Variants in DOCK3 observed in about 807,000 individuals in gnomAD.
The protein encoded by DOCK3 is dedicator of cytokinesis 3.
Under a neutral mutation model 265.6 loss-of-function variants are expected in DOCK3, and 60 were observed. The observed-to-expected ratio is 0.23, with a 90% CI of 0.18 to 0.28. The LOEUF (loss-of-function observed/expected upper bound fraction) is 0.28. Ranked by LOEUF, DOCK3 falls within the 10% of genes least tolerant of loss-of-function variation. DOCK3 has a pLI of 1.00. For missense variants in DOCK3, 1,981 were observed against 2,594.3 expected, an observed-to-expected ratio of 0.76 and a Z score of 5.14; for synonymous variants, 881 against 938.0, an observed-to-expected ratio of 0.94 and a Z score of 1.11.
At chr3:50,778,526 TA>T (rs1252025430) in intron 1 of DOCK3, 148 bp from the exon 2 acceptor site, 1 of 551,676 alleles carries the variant, frequency 1.8e-6, no homozygotes, top group East Asian at 2.9e-5. Context: ...AAATGTAGAT[TA>T]AATGGAAAGG....
At chr3:51,041,977 T>C (rs1443743901) in intron 5 of DOCK3, among the ~76,000 whole-genome samples, 1 of 152,020 alleles carries the variant, frequency 6.6e-6, no homozygotes, top group Non-Finnish European at 1.5e-5. Context: ...CCCTAACTTA[T>C]TCACAGCTGA....
chr3:50,732,767 G>T (rs2108138409), intron 1 of DOCK3, among the ~76,000 whole-genome samples: 1 of 152,200 alleles, frequency 6.6e-6, no homozygotes, highest in Non-Finnish European at 1.5e-5. Context: ...GCAAAATTAT[G>T]TAGCATGCTT....
chr3:50,806,593 G>T (rs777045023), intron 2 of DOCK3, among the ~76,000 whole-genome samples: 7 of 151,806 alleles, frequency 4.6e-5, no homozygotes, highest in Non-Finnish European at 7.4e-5. Context: ...CTGTTCTTCT[G>T]GCTGAAAGTG....
intron 5 of DOCK3, among the ~76,000 whole-genome samples, chr3:50,966,162 G>A (rs1245425621): frequency 4.0e-5 from 6 of 151,780 alleles, no homozygotes; most frequent in Non-Finnish European, 7.4e-5. Context: ...GATCTTCTTC[G>A]TTGTGATTGA....
chr3:51,195,981 G>A (rs2088271732), intron 12 of DOCK3, among the ~76,000 whole-genome samples: 1 of 151,880 alleles, frequency 6.6e-6, no homozygotes, highest in Non-Finnish European at 1.5e-5. Context: ...TGTCACCCAG[G>A]TGGGAGTGCA....
chr3:50,941,278 G>A (rs1341454807), intron 5 of DOCK3, among the ~76,000 whole-genome samples: 1 of 152,132 alleles, frequency 6.6e-6, no homozygotes, highest in African/African-American at 2.4e-5. Context: ...TAGGGACAAG[G>A]AGGATATGTG....
intron 2 of DOCK3, among the ~76,000 whole-genome samples, chr3:50,795,161 C>T (rs1283436564): frequency 2.0e-5 from 3 of 152,064 alleles, no homozygotes; most frequent in Non-Finnish European, 4.4e-5. Context: ...CTACCTTTAA[C>T]ATTTTTTCTT....
At chr3:50,787,102 T>G (rs1028704346) in intron 2 of DOCK3, 14 of 717,424 alleles carry the variant, frequency 2.0e-5, no homozygotes, top group Non-Finnish European at 3.1e-5. Flanking sequence ...TTGAACGATT[T>G]ATTACAGGCA....
intron 4 of DOCK3, among the ~76,000 whole-genome samples, chr3:50,929,877 G>A (rs776969296): frequency 7.9e-5 from 12 of 152,156 alleles, no homozygotes; most frequent in Non-Finnish European, 1.6e-4. Context: ...GAAAATTAAA[G>A]TTTAAGAGTC....
intron 5 of DOCK3, among the ~76,000 whole-genome samples, chr3:51,009,425 C>T (rs1308834032): frequency 6.6e-6 from 1 of 152,188 alleles, no homozygotes; most frequent in African/African-American, 2.4e-5. Context: ...ATAGTATTCT[C>T]TGATGGTAGT....
rs1434912770 is a variant in DOCK3, at chr3:51,381,098, C to A, written c.5632C>A (p.Leu1878Met). The change falls in exon 53 of 53, where the codon CTG (leucine) becomes ATG (methionine). Residue 1878 changes from leucine (L) to methionine (M), a missense_variant. By Grantham distance (15) the Leu-to-Met change is conservative. Coordinates refer to ENST00000266037, the MANE Select transcript of DOCK3 (RefSeq NM_004947.5). The surrounding 1 kb of genome is among the most constrained non-coding windows in gnomAD (Gnocchi z 5.6). Reference sequence around the variant, plus strand: ...CTCCCCCACAAGCCCCCAGTCAGGTCTGGACGGCAGCAACTCTACGCTGTC... The same window carrying A: ...CTCCCCCACAAGCCCCCAGTCAGGTATGGACGGCAGCAACTCTACGCTGTC... ...PASPTSPQSG[L>M]DGSNSTLSGS... 8 of 1,613,050 alleles carry A rather than the reference C, an allele frequency of 5.0e-6. No individual in the cohort carries two copies. The African/African-American group carries it at 1.1e-4, about 22-fold the overall frequency.
chr3:50,935,552 T>A (rs1190992831), intron 5 of DOCK3, among the ~76,000 whole-genome samples: 2 of 152,172 alleles, frequency 1.3e-5, no homozygotes, highest in Admixed American at 1.3e-4. Context: ...TCTACTTTCC[T>A]TGTTGTACTC....
At chr3:51,170,700 T>C (rs2086632258) in intron 12 of DOCK3, among the ~76,000 whole-genome samples, 1 of 152,270 alleles carries the variant, frequency 6.6e-6, no homozygotes. Flanking sequence ...ATCCCAGCGC[T>C]TTGGGAGGCG....
At chr3:51,092,283 G>A (rs895958924) in intron 9 of DOCK3, among the ~76,000 whole-genome samples, 1 of 152,194 alleles carries the variant, frequency 6.6e-6, no homozygotes, top group Non-Finnish European at 1.5e-5. Context: ...CTCACTGCCA[G>A]CACAGCAGCA....
chr3:50,983,816 T>C lies in DOCK3; in HGVS notation c.315+49739T>C, dbSNP rs540634527. Among the ~76,000 whole-genome samples, 10 of 152,180 alleles carry C rather than the reference T, an allele frequency of 6.6e-5. No homozygotes were observed. In the East Asian group the frequency reaches 1.5e-3, roughly 24 times the overall value. On this transcript the variant is annotated intron_variant, in intron 5 of 52. Transcript: ENST00000266037. ...GCTGAAACATGCCCCTTGCTCACCA[T>C]GTTGCAGATGAAGAGAAGAGCTGCA... is the stretch of plus-strand genomic sequence containing the variant.
chr3:50,819,448 A>G (rs1206079052), intron 2 of DOCK3, among the ~76,000 whole-genome samples: 6 of 152,344 alleles, frequency 3.9e-5, no homozygotes, highest in Middle Eastern at 6.8e-3. Context: ...TTTAAAGTGT[A>G]TTGAACACAC....
intron 27 of DOCK3, among the ~76,000 whole-genome samples, chr3:51,295,541 TA>T (rs954946383): frequency 2.1e-4 from 32 of 152,144 alleles, no homozygotes; most frequent in South Asian, 1.9e-3. Flanking sequence ...GAAAAAGCAT[TA>T]AAAAAAATCC....
At chr3:50,771,330 C>T (rs2041261181) in intron 1 of DOCK3, among the ~76,000 whole-genome samples, 1 of 152,148 alleles carries the variant, frequency 6.6e-6, no homozygotes, top group South Asian at 2.1e-4. Flanking sequence ...AGATGGCAAG[C>T]AGGCATATGA....
intron 5 of DOCK3, among the ~76,000 whole-genome samples, chr3:51,018,732 T>C (rs1030903950): frequency 1.3e-5 from 2 of 151,866 alleles, no homozygotes; most frequent in Admixed American, 1.3e-4. Context: ...AGGTATGGCA[T>C]TTTCCACTTG....
Sources: allele counts gnomAD v4.1 joint callset (sites outside exome capture counted in the v4.1 genomes callset), GRCh38; gene constraint gnomAD v4.1.1; non-coding constraint Gnocchi (gnomAD v3.1); transcripts MANE v1.5; gene names NCBI Gene and HGNC (gene_info 2026-07-23, HGNC 2026-07-21).